EEIG2: variants seen among roughly 807,000 people sequenced by gnomAD.
The protein encoded by EEIG2 is family with sequence similarity 102 member B.
chr1:108,565,816 A>C, the EEIG2 span, among the ~76,000 whole-genome samples: 1 of 152,228 alleles, frequency 6.6e-6, no homozygotes, highest in Admixed American at 6.5e-5. Context: ...AGTTCACTGC[A>C]CATTGTGTAT....
the EEIG2 span, among the ~76,000 whole-genome samples, chr1:108,632,471 G>T: frequency 6.6e-6 from 1 of 152,068 alleles, no homozygotes; most frequent in East Asian, 1.9e-4. Flanking sequence ...AAAAATAACC[G>T]GCCATAATTT....
chr1:108,631,328 A>G, the EEIG2 span, among the ~76,000 whole-genome samples: 2 of 152,236 alleles, frequency 1.3e-5, no homozygotes, highest in Admixed American at 1.3e-4. Flanking sequence ...GTTTATTTGT[A>G]TAGTGTTTAC....
chr1:108,628,161 T>C, the EEIG2 span: 5 of 1,613,570 alleles, frequency 3.1e-6, no homozygotes, highest in South Asian at 1.1e-5. Context: ...TTATGACATA[T>C]TACAGATCTT....
the EEIG2 span, among the ~76,000 whole-genome samples, chr1:108,610,097 TA>T: frequency 6.6e-6 from 1 of 152,112 alleles, no homozygotes; most frequent in Non-Finnish European, 1.5e-5. Context: ...AATCTTGCTG[TA>T]AAGAGGGCCA....
the EEIG2 span, among the ~76,000 whole-genome samples, chr1:108,621,116 C>T: frequency 3.9e-5 from 6 of 152,068 alleles, no homozygotes; most frequent in Admixed American, 6.5e-5. Context: ...GTAATGTTGT[C>T]GTTTTATGAG....
chr1:108,584,386 T>G, the EEIG2 span, among the ~76,000 whole-genome samples: 1 of 152,168 alleles, frequency 6.6e-6, no homozygotes, highest in Non-Finnish European at 1.5e-5. Flanking sequence ...ATTCCCAGAC[T>G]TTTCCTAATC....
At chr1:108,606,100 C>G in the EEIG2 span, 5 of 525,162 alleles carry the variant, frequency 9.5e-6, no homozygotes, top group African/African-American at 9.9e-5. Flanking sequence ...TTAAGATCGT[C>G]AGAATTTTAC....
the EEIG2 span, chr1:108,600,594 T>A: frequency 6.2e-7 from 1 of 1,612,462 alleles, no homozygotes. Flanking sequence ...CTGTGTTCGC[T>A]GGAGAAAGAA....
chr1:108,586,049 T>G, the EEIG2 span, among the ~76,000 whole-genome samples: 3 of 152,152 alleles, frequency 2.0e-5, no homozygotes, highest in African/African-American at 7.2e-5. Flanking sequence ...AGGAATACTT[T>G]CATAATATGT....
At chr1:108,591,373 T>A in the EEIG2 span, among the ~76,000 whole-genome samples, 9 of 152,166 alleles carry the variant, frequency 5.9e-5, no homozygotes, top group Admixed American at 3.3e-4. Context: ...AAACAAAACC[T>A]TTTTTTAGAG....
chr1:108,615,324 C>T, the EEIG2 span, among the ~76,000 whole-genome samples: 99 of 152,254 alleles, frequency 6.5e-4, no homozygotes, highest in Admixed American at 1.4e-3. Context: ...TTATGCCTGG[C>T]ACATAATGAA....
the EEIG2 span, among the ~76,000 whole-genome samples, chr1:108,591,587 C>T: frequency 2.6e-5 from 4 of 152,004 alleles, no homozygotes; most frequent in Admixed American, 6.6e-5. Flanking sequence ...GCAGAGAGAA[C>T]GGGAAATGAG....
the EEIG2 span, chr1:108,635,138 G>C: frequency 6.2e-7 from 1 of 1,614,116 alleles, no homozygotes; most frequent in Non-Finnish European, 8.5e-7. Context: ...AACAAGTTGT[G>C]ATCAAACGCT....
chr1:108,628,249 G>T, the EEIG2 span: 355 of 1,614,168 alleles, frequency 2.2e-4, 1 homozygote, highest in African/African-American at 4.5e-3. Context: ...CAAGTCAGCA[G>T]TCAAAAGTAT....
At chr1:108,576,755 A>G in the EEIG2 span, among the ~76,000 whole-genome samples, 1 of 150,124 alleles carries the variant, frequency 6.7e-6, no homozygotes, top group South Asian at 2.1e-4. Flanking sequence ...CGCAATAAAC[A>G]TACGTGTGCA....
the EEIG2 span, chr1:108,634,987 AT>A: frequency 3.4e-6 from 3 of 872,576 alleles, no homozygotes; most frequent in Non-Finnish European, 5.6e-6. Flanking sequence ...TTTAAACGTT[AT>A]GGAAATCAAA....
chr1:108,616,451 G>A, the EEIG2 span: 1 of 1,457,394 alleles, frequency 6.9e-7, no homozygotes, highest in Non-Finnish European at 9.6e-7. Flanking sequence ...CCAATAAATG[G>A]ATTATGTATC....
the EEIG2 span, among the ~76,000 whole-genome samples, chr1:108,616,143 T>A: frequency 5.5e-5 from 6 of 108,748 alleles, no homozygotes; most frequent in African/African-American, 2.0e-4. Context: ...TTTTTTTTTT[T>A]AATAGAGACA....
the EEIG2 span, among the ~76,000 whole-genome samples, chr1:108,593,794 GTTTGT>G: frequency 7.2e-5 from 11 of 151,930 alleles, no homozygotes; most frequent in African/African-American, 9.6e-5. Flanking sequence ...AGTTTTGTTT[GTTTGT>G]TTTGTTTTGT....
Sources: gnomAD v4.1 joint callset for allele counts (sites outside exome capture counted in the v4.1 genomes callset) on GRCh38, gnomAD v4.1.1 for gene constraint, MANE v1.5 for transcripts, NCBI Gene and HGNC (gene_info 2026-07-23, HGNC 2026-07-21) for gene names.